The following GPD1L variants were observed in gnomAD, a reference collection of about 807,000 sequenced individuals.
The protein encoded by GPD1L is glycerol-3-phosphate dehydrogenase 1 like.
GPD1L carries 17 observed loss-of-function variants against 32.9 expected under a neutral mutation model. That is an observed-to-expected ratio of 0.52 (90% CI 0.35 to 0.78). The LOEUF (loss-of-function observed/expected upper bound fraction) is 0.78, where lower values mean the gene tolerates loss of function less well. GPD1L is among the 30% of genes least tolerant of loss of function. GPD1L has a pLI of 0.01. For missense variants in GPD1L, 361 were observed against 447.8 expected (o/e 0.81, Z 1.75); for synonymous variants, 187 against 165.9 (o/e 1.13, Z -0.98).
At chr3:32,165,779 CCTAA>C in intron 7 of GPD1L, 31 bp from the exon 8 acceptor site, 2 of 1,106,660 alleles carry the variant, frequency 1.8e-6, no homozygotes, top group South Asian at 2.5e-5. Context: ...AATCCAGTGG[CCTAA>C]CTTTGTCTTT....
At chr3:32,115,080 G>A (rs899917537) in intron 1 of GPD1L, among the ~76,000 whole-genome samples, 3 of 152,238 alleles carry the variant, frequency 2.0e-5, no homozygotes, top group African/African-American at 7.2e-5. Context: ...GGCTGGGGTG[G>A]CCAGCTTCTA....
chr3:32,147,920 A>G (rs1700856494), intron 5 of GPD1L, among the ~76,000 whole-genome samples: 1 of 152,244 alleles, frequency 6.6e-6, no homozygotes, highest in Non-Finnish European at 1.5e-5. Flanking sequence ...TAAAAAAATT[A>G]AAGCCAATTA....
chr3:32,108,479 T>C (rs555510216), intron 1 of GPD1L, among the ~76,000 whole-genome samples: 1 of 152,142 alleles, frequency 6.6e-6, no homozygotes, highest in Non-Finnish European at 1.5e-5. Flanking sequence ...ACCATCGTAC[T>C]CTAGTCTGTG....
At chr3:32,130,858 G>T (rs1301819079) in intron 2 of GPD1L, among the ~76,000 whole-genome samples, 1 of 151,884 alleles carries the variant, frequency 6.6e-6, no homozygotes, top group Admixed American at 6.6e-5. Flanking sequence ...ACTAAAAAAA[G>T]AAAAATTAGC....
At chr3:32,137,310 C>G (rs900480861) in intron 2 of GPD1L, among the ~76,000 whole-genome samples, 10 of 152,202 alleles carry the variant, frequency 6.6e-5, no homozygotes, top group African/African-American at 2.4e-4. Context: ...GCATTTTTCT[C>G]TAATGTAAAG....
intron 4 of GPD1L, 142 bp downstream of exon 4, chr3:32,140,508 G>T (rs1294841979): frequency 3.1e-6 from 3 of 953,048 alleles, no homozygotes; most frequent in Admixed American, 4.0e-5. Flanking sequence ...TGGGGCGAGG[G>T]TTTTACTTAA....
intron 4 of GPD1L, among the ~76,000 whole-genome samples, chr3:32,142,759 T>C (rs1241380865): frequency 6.6e-6 from 1 of 152,182 alleles, no homozygotes; most frequent in East Asian, 1.9e-4. Context: ...AAGTTTCTAG[T>C]TGGGTACATT....
intron 2 of GPD1L, among the ~76,000 whole-genome samples, chr3:32,133,331 C>G (rs1700613845): frequency 6.6e-6 from 1 of 152,042 alleles, no homozygotes; most frequent in Non-Finnish European, 1.5e-5. Flanking sequence ...TTTGGCTTAT[C>G]CTTGTTTTAT....
chr3:32,123,818 A>ATAGATAGG (rs1700461597), intron 1 of GPD1L, among the ~76,000 whole-genome samples: 2 of 145,236 alleles, frequency 1.4e-5, no homozygotes, highest in African/African-American at 5.0e-5. Flanking sequence ...AGATAGATAG[A>ATAGATAGG]TAGATAGATA....
intron 2 of GPD1L, among the ~76,000 whole-genome samples, chr3:32,133,854 C>T (rs961199837): frequency 6.6e-6 from 1 of 152,182 alleles, no homozygotes; most frequent in Non-Finnish European, 1.5e-5. Context: ...ACGAAAGAAC[C>T]TTCAGACTTG....
chr3:32,159,732 A>T, intron 7 of GPD1L, 58 bp downstream of exon 7: 2 of 1,043,768 alleles, frequency 1.9e-6, no homozygotes, highest in Non-Finnish European at 3.0e-6. Context: ...TATTCTCAGG[A>T]CTTCCAGCCC....
chr3:32,120,859 A>G (rs1409658581), intron 1 of GPD1L, among the ~76,000 whole-genome samples: 1 of 152,200 alleles, frequency 6.6e-6, no homozygotes, highest in Non-Finnish European at 1.5e-5. Flanking sequence ...CCCCAGCCTA[A>G]TTAAATACTA....
intron 7 of GPD1L, among the ~76,000 whole-genome samples, chr3:32,164,167 T>G (rs1701112944): frequency 2.0e-5 from 3 of 152,102 alleles, no homozygotes; most frequent in Admixed American, 1.3e-4. Context: ...CTTCCAACCT[T>G]GGGGAAAGGG....
chr3:32,121,603 C>A (rs1188692450), intron 1 of GPD1L, among the ~76,000 whole-genome samples: 1,841 of 114,118 alleles, frequency 0.016, 259 homozygotes, highest in African/African-American at 0.064. Context: ...ATATATATTT[C>A]TATATATATT....
intron 4 of GPD1L, among the ~76,000 whole-genome samples, chr3:32,144,812 A>C (rs1401835193): frequency 6.9e-6 from 1 of 145,358 alleles, no homozygotes; most frequent in African/African-American, 2.6e-5. Flanking sequence ...CAGCCTCCTG[A>C]GTAGCTGGGA....
In GPD1L at chr3:32,121,816, G is replaced by T. The variant is rs1488080836; in HGVS notation, c.48-6260G>T. On this transcript the variant is annotated intron_variant, in intron 1 of 7. Transcript: ENST00000282541. ...GGCAGAGTTTTGCTCTTTTGCCGAGGCTGGAGTGCAGTGGTGTGATTTCAG... is the reference window on the plus strand; with the variant it reads ...GGCAGAGTTTTGCTCTTTTGCCGAGTCTGGAGTGCAGTGGTGTGATTTCAG... 2.7e-5 allele frequency among the ~76,000 whole-genome samples: 4 copies of T among 147,190 alleles called. No homozygotes were observed. In the East Asian group the frequency reaches 7.9e-4, roughly 29 times the overall value.
At chr3:32,154,895 A>G (rs570875603) in intron 5 of GPD1L, among the ~76,000 whole-genome samples, 54 of 152,058 alleles carry the variant, frequency 3.6e-4, no homozygotes, top group African/African-American at 1.2e-3. Context: ...CGAAAGGTGC[A>G]TGCCACCATG....
chr3:32,121,751 CTA>C (rs1244805776), intron 1 of GPD1L, among the ~76,000 whole-genome samples: 2 of 133,382 alleles, frequency 1.5e-5, no homozygotes, highest in African/African-American at 5.8e-5. Flanking sequence ...ATATATATTT[CTA>C]TATATATATA....
At chr3:32,163,721 G>A (rs929988350) in intron 7 of GPD1L, among the ~76,000 whole-genome samples, 1 of 152,194 alleles carries the variant, frequency 6.6e-6, no homozygotes, top group African/African-American at 2.4e-5. Context: ...GATTAAACAA[G>A]TTACTCGTCT....
Sources: allele counts gnomAD v4.1 joint callset (sites outside exome capture counted in the v4.1 genomes callset), GRCh38; gene constraint gnomAD v4.1.1; transcripts MANE v1.5; gene names NCBI Gene and HGNC (gene_info 2026-07-23, HGNC 2026-07-21).